Variants in VPS52 observed in about 807,000 individuals in gnomAD.
The protein encoded by VPS52 is VPS52 subunit of GARP complex, also known as vacuolar protein sorting-associated protein 52 homolog.
Under a neutral mutation model 98.7 loss-of-function variants are expected in VPS52, and 56 were observed. The ratio of observed to expected loss-of-function variants is 0.57; its 90% CI spans 0.46 to 0.71. The LOEUF (loss-of-function observed/expected upper bound fraction) is 0.71. Ranked by LOEUF, VPS52 falls within the 30% of genes least tolerant of loss-of-function variation. The pLI is 0.00. For synonymous variants in VPS52, 348 were observed against 346.4 expected (o/e 1.00, Z -0.05); for missense variants, 742 against 925.9 (o/e 0.80, Z 2.58).
In VPS52 at chr6:33,266,443, C is replaced by T. The variant is rs1182759111; in HGVS notation, c.1281+114G>A. 8 of 1,362,954 alleles carry T rather than the reference C, an allele frequency of 5.9e-6. No individual in the cohort carries two copies. In the Admixed American group the frequency reaches 1.6e-4, roughly 28 times the overall value. 84.4% of individuals were successfully genotyped at this position (1,362,954 alleles called of 1,614,324 possible). ...CTACCACGCCCAGCCAAGGCTTAGA[C>T]ATTTTAGAATGAGGCGATCCTGATT... On this transcript the variant is annotated intron_variant, in intron 12 of 19. Coordinates refer to ENST00000445902, the MANE Select transcript of VPS52 (RefSeq NM_022553.6).
chr6:33,268,214 T>C lies in VPS52; in HGVS notation c.700-6A>G, dbSNP rs552058892. On this transcript the variant is annotated splice_polypyrimidine_tract_variant and splice_region_variant and intron_variant, in intron 7 of 19. Coordinates refer to ENST00000445902, the MANE Select transcript of VPS52 (RefSeq NM_022553.6). The surrounding 1 kb of genome is among the most constrained non-coding windows in gnomAD (Gnocchi z 4.0). Reference sequence around the variant, plus strand: ...TCTCGGATCTTCGTCACTGCCTAGATGTGGGGAACCAAACACAGGGCATGA... The same window carrying C: ...TCTCGGATCTTCGTCACTGCCTAGACGTGGGGAACCAAACACAGGGCATGA... 2 of 1,612,982 alleles carry C rather than the reference T, an allele frequency of 1.2e-6. No individual in the cohort carries two copies. Among genetic ancestry groups the C allele is most frequent in the Admixed American group, 1.7e-5 (1 of 60,022 alleles).
intron 17 of VPS52, among the ~76,000 whole-genome samples, chr6:33,263,120 T>A (rs964556603): frequency 4.0e-5 from 6 of 151,676 alleles, no homozygotes; most frequent in Non-Finnish European, 5.9e-5. Context: ...AAAAATTAGC[T>A]AGGCATGGTG....
chr6:33,267,781 C>A lies in VPS52; in HGVS notation c.934-42G>T, dbSNP rs754121056. ...GAGAACTGATAACCGTCTCTTCCCA[C>A]AACACAATAAAATATTCCTTGCCCA... On this transcript the variant is annotated intron_variant, in intron 9 of 19. Transcript: ENST00000445902. The surrounding 1 kb of genome is among the most constrained non-coding windows in gnomAD (Gnocchi z 4.2). The A allele has an allele frequency of 7.4e-6, 12 of 1,612,970 alleles. No homozygotes were observed. Among genetic ancestry groups the A allele is most frequent in the Non-Finnish European group, 1.0e-5 (12 of 1,179,976 alleles).
intron 17 of VPS52, 66 bp downstream of exon 17, chr6:33,263,402 CACACACACACACAGAG>C: frequency 7.4e-7 from 1 of 1,344,840 alleles, no homozygotes; most frequent in Non-Finnish European, 1.0e-6. Flanking sequence ...CACACACACA[CACACACACACACAGAG>C]AGAGAGAGAG....
At chr6:33,264,606 G>A (rs1197644035) in intron 13 of VPS52, 109 bp from the exon 14 acceptor site, 8 of 1,529,266 alleles carry the variant, frequency 5.2e-6, no homozygotes, top group Non-Finnish European at 7.2e-6. Context: ...TGTGGGGGTT[G>A]GGGGGCAGTG....
chr6:33,267,628 G>GA lies in VPS52; in HGVS notation c.991+53dup. 6.2e-7 allele frequency: 1 copy of GA among 1,604,036 alleles called. No homozygotes were observed. The highest frequency in any genetic ancestry group is 8.5e-7 in the Non-Finnish European group (1 of 1,173,182). Reference sequence around the variant, plus strand: ...GAGCAGTGCATTGGTGGCTGGAGTCGAAAGTCCTCCCACTCTCAAGGCCTG... The same window carrying GA: ...GAGCAGTGCATTGGTGGCTGGAGTCGAAAAGTCCTCCCACTCTCAAGGCCTG... On this transcript the variant is annotated intron_variant, in intron 10 of 19. Transcript: ENST00000445902. This position sits in a 1 kb window ranked among gnomAD's most constrained non-coding sequence, Gnocchi z 4.2.
chr6:33,264,990 G>T, intron 12 of VPS52, 90 bp from the exon 13 acceptor site: 1 of 1,144,854 alleles, frequency 8.7e-7, no homozygotes, highest in Non-Finnish European at 1.3e-6. Context: ...GTTTCTTTGG[G>T]GATGATGCAC....
intron 17 of VPS52, among the ~76,000 whole-genome samples, chr6:33,255,763 T>TG (rs1762864880): frequency 7.4e-6 from 1 of 134,684 alleles, no homozygotes; most frequent in Non-Finnish European, 1.5e-5. Context: ...ACTGCACCAC[T>TG]CCAGCCTGGG....
In VPS52 at chr6:33,263,788, A is replaced by G; in HGVS notation, c.1712T>C (p.Met571Thr). The G allele has an allele frequency of 6.2e-7, 1 of 1,614,234 alleles. No individual in the cohort carries two copies. The highest frequency in any genetic ancestry group is 8.5e-7 in the Non-Finnish European group (1 of 1,180,042). ...ACCTATTACCATCAGCACACCCAGC[A>G]TCATGTCATAGTTGTTGATCAGAAA... Reference protein sequence around the residue: ...LVFLINNYDMMLGVLMERAAD... With the variant: ...LVFLINNYDMTLGVLMERAAD... The change falls in exon 16 of 20, where the codon ATG (methionine) becomes ACG (threonine). Residue 571 changes from methionine to threonine, a missense_variant. Met to Thr is a moderately conservative substitution (Grantham distance 81, BLOSUM62 -1). Coordinates refer to ENST00000445902, the MANE Select transcript of VPS52 (RefSeq NM_022553.6).
chr6:33,269,311 A>G lies in VPS52; in HGVS notation c.373-122T>C, dbSNP rs530839729. ...CCTTGAGGGTGGCAGATGATGAGAC[A>G]CCCCAGATTATCAGGAAATAACATT... On this transcript the variant is annotated intron_variant, in intron 5 of 19. Transcript: ENST00000445902. 9 of 1,438,320 alleles carry G rather than the reference A, an allele frequency of 6.3e-6. No individual in the cohort carries two copies. The South Asian group carries it at 1.1e-4, about 18-fold the overall frequency. The allele number at this position is 1,438,320 out of a possible 1,614,324, so 89.1% of individuals were successfully genotyped here.
chr6:33,257,328 C>T (rs572516225), intron 17 of VPS52, among the ~76,000 whole-genome samples: 13 of 152,228 alleles, frequency 8.5e-5, no homozygotes, highest in African/African-American at 3.1e-4. Context: ...AGCCACTGCA[C>T]CTGGCCAAAA....
At chr6:33,258,592 T>C (rs1267733511) in intron 17 of VPS52, among the ~76,000 whole-genome samples, 1 of 152,192 alleles carries the variant, frequency 6.6e-6, no homozygotes, top group Non-Finnish European at 1.5e-5. Context: ...ACTTATTTTT[T>C]TCTTTATTTT....
chr6:33,269,877 C>G, intron 3 of VPS52, 58 bp from the exon 4 acceptor site: 1 of 1,595,604 alleles, frequency 6.3e-7, no homozygotes, highest in Non-Finnish European at 8.6e-7. Context: ...GACACTGTAA[C>G]AGAATCAGTG....
rs142136035 is a variant in VPS52, at chr6:33,266,424, C to T, written c.1281+133G>A. 1.0e-4 allele frequency: 125 copies of T among 1,241,504 alleles called. 1 individual carries two copies. Among genetic ancestry groups the T allele is most frequent in the African/African-American group, 9.8e-4 (65 of 66,634 alleles). 76.9% of individuals were successfully genotyped at this position (1,241,504 alleles called of 1,614,324 possible). On this transcript the variant is annotated intron_variant, in intron 12 of 19. Transcript: ENST00000445902. ...CTGGGATTATGGGTGTGCACTACCA[C>T]GCCCAGCCAAGGCTTAGACATTTTA...
chr6:33,266,571 G>A lies in VPS52; in HGVS notation c.1267C>T (p.Leu423Phe). 3 of 1,609,138 alleles carry A rather than the reference G, an allele frequency of 1.9e-6. No individual in the cohort carries two copies. In the South Asian group the frequency reaches 3.3e-5, roughly 18 times the overall value. The part of the protein sequence containing the change: ...DLFHAVMGRT[L>F]SMTLKHLDSY... ...AGGAGTCTTACCAGGGTCATGCTGA[G>A]TGTACGGCCCATGACAGCATGGAAC... is the stretch of plus-strand genomic sequence containing the variant. Residue 423 changes from leucine to phenylalanine, a missense_variant, in exon 12 of 20, where the codon CTC becomes TTC. Coordinates refer to ENST00000445902, the MANE Select transcript of VPS52 (RefSeq NM_022553.6).
At chr6:33,263,074 T>C (rs992034725) in intron 17 of VPS52, among the ~76,000 whole-genome samples, 1 of 151,350 alleles carries the variant, frequency 6.6e-6, no homozygotes, top group African/African-American at 2.4e-5. Flanking sequence ...CTTGAGAGGA[T>C]AGATAAAGAA....
Position 33,264,379 on chromosome 6 carries a change from G to A in VPS52, c.1519C>T (p.His507Tyr). The stretch of plus-strand genomic sequence containing the variant: ...TTACCCTTGCCCTCCCTCACATAGT[G>A]GGGCCGAGTATCCAACCCCCCTAGG... ...QRLGGLDTRP[H>Y]YITRRYAEFS... Residue 507 changes from histidine (H) to tyrosine (Y), a missense_variant, in exon 14 of 20, where the codon CAC (histidine) becomes TAC (tyrosine). By Grantham distance (83) the His-to-Tyr change is moderately conservative. Transcript: ENST00000445902. The A allele has an allele frequency of 6.2e-7, 1 of 1,614,076 alleles. No individual in the cohort carries two copies. Among genetic ancestry groups the A allele is most frequent in the Non-Finnish European group, 8.5e-7 (1 of 1,179,986 alleles).
intron 1 of VPS52, among the ~76,000 whole-genome samples, chr6:33,270,778 G>A (rs1251095373): frequency 1.3e-5 from 2 of 151,700 alleles, no homozygotes; most frequent in African/African-American, 4.8e-5. Flanking sequence ...GTGAAACCCC[G>A]TCTCTACTAA....
At chr6:33,263,164 T>G (rs1581593113) in intron 17 of VPS52, among the ~76,000 whole-genome samples, 2 of 146,930 alleles carry the variant, frequency 1.4e-5, no homozygotes, top group South Asian at 2.1e-4. Context: ...CCCAGGGGGC[T>G]AAGGTAGAAG....
Sources: allele counts gnomAD v4.1 joint callset (sites outside exome capture counted in the v4.1 genomes callset), GRCh38; gene constraint gnomAD v4.1.1; non-coding constraint Gnocchi (gnomAD v3.1); transcripts MANE v1.5; gene names NCBI Gene and HGNC (gene_info 2026-07-23, HGNC 2026-07-21).